The following SLC4A3 variants were observed in gnomAD, a reference collection of about 807,000 sequenced individuals.
SLC4A3 encodes the protein solute carrier family 4 member 3.
A neutral mutation model predicts 114.2 loss-of-function variants in SLC4A3; 47 were observed. The observed-to-expected ratio is 0.41, with a 90% confidence interval of 0.33 to 0.52. SLC4A3 has a LOEUF of 0.52. Among genes scored for constraint, SLC4A3 ranks in the 20% least tolerant of loss-of-function variants. The pLI is 0.21. For synonymous variants in SLC4A3, 693 were observed against 710.3 expected (o/e 0.98, Z 0.39); for missense variants, 1,312 against 1,668.3 (o/e 0.79, Z 3.72).
chr2:219,630,078 C>T lies in SLC4A3; in HGVS notation c.612-75C>T. 1.3e-6 allele frequency: 2 copies of T among 1,579,994 alleles called. No individual in the cohort carries two copies. The highest frequency in any genetic ancestry group is 1.7e-6 in the Non-Finnish European group (2 of 1,161,300). On this transcript the variant is annotated intron_variant, in intron 5 of 22. Transcript: ENST00000358055. The surrounding 1 kb of genome is among the most constrained non-coding windows in gnomAD (Gnocchi z 6.9). The stretch of plus-strand genomic sequence containing the variant: ...TGCTCAGGGTCTACTCCAGGCCGTG[C>T]TCTGAGCTGAGGGACGGTGATGGAA...
rs1042462829 is a variant in SLC4A3 at position 219,632,393 on chromosome 2, C to T, written c.1092C>T (p.Ala364=). 4.3e-6 allele frequency: 7 copies of T among 1,612,484 alleles called. No homozygotes were observed. The highest frequency in any genetic ancestry group is 5.9e-6 in the Non-Finnish European group (7 of 1,179,194). ...ETERWGKPHV[A]SLSFRSLLEL... ...AGCGCTGGGGGAAGCCCCATGTTGC[C>T]TCGCTCTCCTTCCGTAGCCTTCTGG... Residue 364 remains alanine, a synonymous_variant, in exon 8 of 23, where the codon GCC becomes GCT. Transcript: ENST00000358055.
chr2:219,637,351 T>G lies in SLC4A3; in HGVS notation c.2536-230T>G, dbSNP rs1699158595. Among the ~76,000 whole-genome samples, 1 of 151,396 alleles carries G rather than the reference T, an allele frequency of 6.6e-6. No individual in the cohort carries two copies. The highest frequency in any genetic ancestry group is 1.9e-4 in the East Asian group (1 of 5,168). ...GTGGTGTGTATGTGGTATGTTGTGT[T>G]TTTTTTGTGTTGTATGTGTTATGTG... On this transcript the variant is annotated intron_variant, in intron 16 of 22. Coordinates refer to ENST00000358055, the MANE Select transcript of SLC4A3 (RefSeq NM_005070.4). This position sits in a 1 kb window ranked among gnomAD's most constrained non-coding sequence, Gnocchi z 4.6.
In SLC4A3 at chr2:219,636,595, G is replaced by T; in HGVS notation, c.2341-85G>T. 1 of 1,491,086 alleles carries T rather than the reference G, an allele frequency of 6.7e-7. No individual in the cohort carries two copies. The highest frequency in any genetic ancestry group is 2.0e-5 in the Admixed American group (1 of 50,832). The allele number at this position is 1,491,086 out of a possible 1,614,324, so 92.4% of individuals were successfully genotyped here. On this transcript the variant is annotated intron_variant, in intron 15 of 22. Transcript: ENST00000358055. The surrounding 1 kb of genome is among the most constrained non-coding windows in gnomAD (Gnocchi z 5.5). ...GGTCCCTGCATTCTCCCTCTTCCTCGGAGTTCATCCGCTGCCTATTCCAGG... is the reference window on the plus strand; with the variant it reads ...GGTCCCTGCATTCTCCCTCTTCCTCTGAGTTCATCCGCTGCCTATTCCAGG...
Position 219,638,792 on chromosome 2 carries a change from G to T in SLC4A3, c.2946G>T (p.Pro982=). Residue 982 remains proline, a synonymous_variant, in exon 19 of 23, where the codon CCG becomes CCT. Coordinates refer to ENST00000358055, the MANE Select transcript of SLC4A3 (RefSeq NM_005070.4). The surrounding 1 kb of genome is among the most constrained non-coding windows in gnomAD (Gnocchi z 7.5). ...IPPLGSARPF[P]PWMMVAAAVP... ...CCCTGGGCAGTGCCCGTCCTTTCCCGCCGTGGATGATGGTGGCAGCCGCTG... is the reference window on the plus strand; with the variant it reads ...CCCTGGGCAGTGCCCGTCCTTTCCCTCCGTGGATGATGGTGGCAGCCGCTG... The T allele has an allele frequency of 6.2e-7, 1 of 1,614,100 alleles. No individual in the cohort carries two copies. Among genetic ancestry groups the T allele is most frequent in the South Asian group, 1.1e-5 (1 of 91,074 alleles).
In SLC4A3 at chr2:219,633,779, G is replaced by A; in HGVS notation, c.1462-101G>A. 4.0e-6 allele frequency: 6 copies of A among 1,515,816 alleles called. 1 individual carries two copies. The South Asian group carries it at 6.2e-5, about 16-fold the overall frequency. The allele number at this position is 1,515,816 out of a possible 1,614,324, so 93.9% of individuals were successfully genotyped here. A position where few individuals can be genotyped will look rare whatever the true frequency, so the allele number is the denominator to read the frequency against. The stretch of plus-strand genomic sequence containing the variant: ...AGTGCAGTACCTGCCTACTCTGGGA[G>A]GGAGAAGCAGGTCTCAGAGCCAGGG... On this transcript the variant is annotated intron_variant, in intron 10 of 22. Coordinates refer to ENST00000358055, the MANE Select transcript of SLC4A3 (RefSeq NM_005070.4).
intron 10 of SLC4A3, 118 bp downstream of exon 10, chr2:219,633,575 G>A: frequency 2.0e-6 from 2 of 990,154 alleles, no homozygotes; most frequent in Admixed American, 3.2e-5. Flanking sequence ...ATCATGCTGG[G>A]CATTCGGGGA....
intron 8 of SLC4A3, 77 bp from the exon 9 acceptor site, chr2:219,632,797 G>A (rs1374757125): frequency 1.3e-6 from 2 of 1,576,640 alleles, no homozygotes; most frequent in African/African-American, 2.7e-5. Context: ...CATGCTTTTG[G>A]GGGGCAAGGC....
At position 219,636,248 on chromosome 2, in the gene SLC4A3, A is replaced by C. The variant is rs1239147277; in HGVS notation, c.2192-54A>C. ...CCAGTTTAGGACAAGCTAGATGAAG[A>C]AGGGGGCAGATAGACAGAGCCAGGC... On this transcript the variant is annotated intron_variant, in intron 14 of 22. Coordinates refer to ENST00000358055, the MANE Select transcript of SLC4A3 (RefSeq NM_005070.4). This position sits in a 1 kb window ranked among gnomAD's most constrained non-coding sequence, Gnocchi z 5.5. 4 of 1,604,622 alleles carry C rather than the reference A, an allele frequency of 2.5e-6. No homozygotes were observed. Among genetic ancestry groups the C allele is most frequent in the Non-Finnish European group, 3.4e-6 (4 of 1,176,728 alleles).
At position 219,632,566 on chromosome 2, in the gene SLC4A3, G is replaced by A. The variant is rs377514097; in HGVS notation, c.1141+124G>A. On this transcript the variant is annotated intron_variant, in intron 8 of 22. Transcript: ENST00000358055. ...CAAGATCCAACTGCCACCTGGGACC[G>A]TGGGGGTCCATTTGCCTGGGCAGCC... is the stretch of plus-strand genomic sequence containing the variant. The A allele has an allele frequency of 1.4e-4, 166 of 1,176,136 alleles. No individual in the cohort carries two copies. In the Middle Eastern group the frequency reaches 2.0e-3, roughly 14 times the overall value. 72.9% of individuals were successfully genotyped at this position (1,176,136 alleles called of 1,614,324 possible).
Position 219,636,998 on chromosome 2 carries a change from A to AG in SLC4A3, c.2535+128dup, listed in dbSNP as rs1241576385. 2.3e-6 allele frequency: 2 copies of AG among 865,346 alleles called. No homozygotes were observed. Among genetic ancestry groups the AG allele is most frequent in the East Asian group, 5.0e-5 (2 of 40,038 alleles). The allele number at this position is 865,346 out of a possible 1,614,324, so 53.6% of individuals were successfully genotyped here. ...AAGGAGAGGGACTGTGTTGGGAGTG[A>AG]GGGGTTCTAGGGACACCCTAGGCTA... On this transcript the variant is annotated intron_variant, in intron 16 of 22. Transcript: ENST00000358055. The surrounding 1 kb of genome is among the most constrained non-coding windows in gnomAD (Gnocchi z 5.5).
chr2:219,635,504 C>T lies in SLC4A3; in HGVS notation c.1972+8C>T. ...ACACGGCCCCTGGGAAAGGTCAGAC[C>T]CTTGGAGGCTGAGTGCCCCCAATAC... On this transcript the variant is annotated splice_region_variant and intron_variant, in intron 13 of 22. Coordinates refer to ENST00000358055, the MANE Select transcript of SLC4A3 (RefSeq NM_005070.4). 6.3e-7 allele frequency: 1 copy of T among 1,596,922 alleles called. No individual in the cohort carries two copies. Among genetic ancestry groups the T allele is most frequent in the East Asian group, 2.3e-5 (1 of 43,890 alleles).
intron 11 of SLC4A3, 41 bp downstream of exon 11, chr2:219,634,020 T>C: frequency 6.7e-7 from 1 of 1,499,580 alleles, no homozygotes. Context: ...CTGCAGTGTG[T>C]GTGTGCCTCT....
chr2:219,638,073 A>T lies in SLC4A3; in HGVS notation c.2767-91A>T, dbSNP rs1699192143. ...GGGGGGCCTTCTGGCTCCAGCTTGGACCCAGGCAGGGCCAGAGATGGCAAG... is the reference window on the plus strand; with the variant it reads ...GGGGGGCCTTCTGGCTCCAGCTTGGTCCCAGGCAGGGCCAGAGATGGCAAG... On this transcript the variant is annotated intron_variant, in intron 17 of 22. Coordinates refer to ENST00000358055, the MANE Select transcript of SLC4A3 (RefSeq NM_005070.4). This position sits in a 1 kb window ranked among gnomAD's most constrained non-coding sequence, Gnocchi z 7.5. 1 of 1,097,692 alleles carries T rather than the reference A, an allele frequency of 9.1e-7. No homozygotes were observed. The allele number at this position is 1,097,692 out of a possible 1,614,324, so 68.0% of individuals were successfully genotyped here.
intron 21 of SLC4A3, 69 bp from the exon 22 acceptor site, chr2:219,640,719 TC>T: frequency 6.3e-7 from 1 of 1,575,812 alleles, no homozygotes; most frequent in Non-Finnish European, 8.6e-7. Flanking sequence ...GGAGCCAAAT[TC>T]CCCACGATGT....
Position 219,632,910 on chromosome 2 carries a change from C to T in SLC4A3, c.1178C>T (p.Pro393Leu), listed in dbSNP as rs747969144. The T allele has an allele frequency of 1.2e-6, 2 of 1,614,202 alleles. No homozygotes were observed. Among genetic ancestry groups the T allele is most frequent in the East Asian group, 2.2e-5 (1 of 44,862 alleles). Residue 393 changes from proline to leucine, a missense_variant, in exon 9 of 23, where the codon CCA becomes CTA. Pro to Leu is a moderately conservative substitution (Grantham distance 98). Transcript: ENST00000358055. ...ALLDLEQTTLPGIAHLVVETM... is the reference protein window; with the variant it reads ...ALLDLEQTTLLGIAHLVVETM... ...CTGGACCTGGAGCAAACCACCCTGCCAGGCATTGCACACCTCGTGGTGGAG... is the reference window on the plus strand; with the variant it reads ...CTGGACCTGGAGCAAACCACCCTGCTAGGCATTGCACACCTCGTGGTGGAG...
At chr2:219,632,186 C>T in intron 7 of SLC4A3, 70 bp downstream of exon 7, 2 of 1,605,936 alleles carry the variant, frequency 1.2e-6, no homozygotes, top group African/African-American at 1.3e-5. Context: ...CCTCTCTTTG[C>T]CCCCCTGCCT....
At position 219,639,687 on chromosome 2, in the gene SLC4A3, G is replaced by A. The variant is rs777831769; in HGVS notation, c.3229G>A (p.Glu1077Lys). 2 of 1,612,106 alleles carry A rather than the reference G, an allele frequency of 1.2e-6. No homozygotes were observed. ...IAPGDKPQIQ[E>K]VREQRVTGVL... Reference sequence around the variant, plus strand: ...GCCTGGTGACAAGCCCCAGATCCAGGAGGTGCGGGAGCAGCGGGTCACTGG... The same window carrying A: ...GCCTGGTGACAAGCCCCAGATCCAGAAGGTGCGGGAGCAGCGGGTCACTGG... The change falls in exon 20 of 23, where the codon GAG (glutamate) becomes AAG (lysine). Residue 1077 changes from glutamate (E) to lysine (K), a missense_variant. Transcript: ENST00000358055. The surrounding 1 kb of genome is among the most constrained non-coding windows in gnomAD (Gnocchi z 5.9).
Position 219,635,760 on chromosome 2 carries a change from G to A in SLC4A3, c.2060G>A (p.Arg687Gln), listed in dbSNP as rs1478164292. The change falls in exon 14 of 23, where the codon CGG becomes CAG. Residue 687 changes from arginine (R) to glutamine (Q), a missense_variant. Arg to Gln is a conservative substitution (Grantham distance 43). Coordinates refer to ENST00000358055, the MANE Select transcript of SLC4A3 (RefSeq NM_005070.4). ...RTGSVFGGLVRDVRRRYPHYP... is the reference protein window; with the variant it reads ...RTGSVFGGLVQDVRRRYPHYP... ...GGCTCGGTATTTGGGGGGCTTGTGC[G>A]GGATGTGAGGCGCCGGTACCCGCAC... 5.6e-6 allele frequency: 9 copies of A among 1,594,180 alleles called. No individual in the cohort carries two copies. The highest frequency in any genetic ancestry group is 1.7e-4 in the Middle Eastern group (1 of 5,972).
Position 219,638,098 on chromosome 2 carries a change from G to A in SLC4A3, c.2767-66G>A. ...ACCCAGGCAGGGCCAGAGATGGCAA[G>A]CCCCGTGTTAGTCTGCTGACCTTGC... On this transcript the variant is annotated intron_variant, in intron 17 of 22. Transcript: ENST00000358055. The surrounding 1 kb of genome is among the most constrained non-coding windows in gnomAD (Gnocchi z 7.5). 7.6e-7 allele frequency: 1 copy of A among 1,318,746 alleles called. No homozygotes were observed. Among genetic ancestry groups the A allele is most frequent in the Non-Finnish European group, 1.1e-6 (1 of 932,770 alleles). 81.7% of individuals were successfully genotyped at this position (1,318,746 alleles called of 1,614,324 possible). A position where few individuals can be genotyped will look rare whatever the true frequency, so the allele number is the denominator to read the frequency against.
Sources: allele counts gnomAD v4.1 joint callset (sites outside exome capture counted in the v4.1 genomes callset), GRCh38; gene constraint gnomAD v4.1.1; non-coding constraint Gnocchi (gnomAD v3.1); transcripts MANE v1.5; gene names NCBI Gene and HGNC (gene_info 2026-07-23, HGNC 2026-07-21).